APBB2: variants seen among roughly 807,000 people sequenced by gnomAD.
APBB2 encodes the protein Fe65-like 1.
In APBB2, 38 loss-of-function variants were observed where a neutral mutation model predicts 82.5. The observed-to-expected ratio is 0.46, with a 90% confidence interval of 0.36 to 0.60. The LOEUF (loss-of-function observed/expected upper bound fraction) is 0.60, where lower values mean the gene tolerates loss of function less well. Among genes scored for constraint, APBB2 ranks in the 20% least tolerant of loss-of-function variants. The pLI is 0.00. For missense variants in APBB2, 772 were observed against 972.3 expected (o/e 0.79, Z 2.74); for synonymous variants, 341 against 368.2 (o/e 0.93, Z 0.85).
intron 7 of APBB2, chr4:40,935,714 A>T (rs187170106): frequency 1.3e-5 from 2 of 152,224 alleles, no homozygotes; most frequent in South Asian, 2.1e-4. Flanking sequence ...AACAAAAAAC[A>T]ACTCTAAACA....
intron 6 of APBB2, 122 bp downstream of exon 6, chr4:41,013,461 C>T: frequency 1.1e-6 from 1 of 929,048 alleles, no homozygotes; most frequent in Non-Finnish European, 1.6e-6. Flanking sequence ...AATTTTACCG[C>T]AAGAGGCTCA....
intron 2 of APBB2, among the ~76,000 whole-genome samples, chr4:41,130,627 T>TAC (rs1197430402): frequency 9.2e-5 from 14 of 152,204 alleles, no homozygotes; most frequent in Admixed American, 8.5e-4. Flanking sequence ...CCTTTCTAAC[T>TAC]ACATCTCATA....
At chr4:40,894,046 T>C (rs1024354003) in intron 10 of APBB2, among the ~76,000 whole-genome samples, 1 of 151,512 alleles carries the variant, frequency 6.6e-6, no homozygotes, top group African/African-American at 2.4e-5. Context: ...CCCAGCACTT[T>C]GGGAGGCCGA....
intron 1 of APBB2, among the ~76,000 whole-genome samples, chr4:41,207,204 A>ACT (rs2154079922): frequency 6.7e-6 from 1 of 148,440 alleles, no homozygotes; most frequent in African/African-American, 2.5e-5. Flanking sequence ...GTCTCAAAAA[A>ACT]AAAAAAAAAA....
intron 4 of APBB2, among the ~76,000 whole-genome samples, chr4:41,051,640 G>A (rs375988355): frequency 1.1e-4 from 16 of 152,026 alleles, no homozygotes; most frequent in Non-Finnish European, 1.5e-5. Flanking sequence ...TTCCACGGTC[G>A]CCTCTAGGCC....
chr4:41,107,573 A>C (rs1174734805), intron 2 of APBB2, among the ~76,000 whole-genome samples: 1 of 152,218 alleles, frequency 6.6e-6, no homozygotes, highest in African/African-American at 2.4e-5. Flanking sequence ...CAGTCTCAGA[A>C]TATCACCCCA....
At chr4:41,166,620 G>C (rs1766713610) in intron 1 of APBB2, among the ~76,000 whole-genome samples, 1 of 151,636 alleles carries the variant, frequency 6.6e-6, no homozygotes. Context: ...GGGTGCGGTG[G>C]CTCAGTGGCT....
At chr4:41,025,470 C>T (rs1406833272) in intron 5 of APBB2, among the ~76,000 whole-genome samples, 7 of 151,928 alleles carry the variant, frequency 4.6e-5, no homozygotes, top group Admixed American at 4.6e-4. Context: ...AAGTTAAAAG[C>T]AGAACTACCA....
intron 2 of APBB2, among the ~76,000 whole-genome samples, chr4:41,131,480 T>A (rs111997459): frequency 1.3e-5 from 2 of 152,310 alleles, no homozygotes; most frequent in African/African-American, 4.8e-5. Flanking sequence ...CATACATAGA[T>A]ATGTATTTTA....
intron 6 of APBB2, among the ~76,000 whole-genome samples, chr4:40,965,749 G>C (rs1192340354): frequency 6.6e-6 from 1 of 152,100 alleles, no homozygotes; most frequent in Non-Finnish European, 1.5e-5. Flanking sequence ...GTATTTTAGA[G>C]GCTTCCAGTG....
At chr4:41,174,570 G>A (rs1769246478) in intron 1 of APBB2, among the ~76,000 whole-genome samples, 1 of 152,156 alleles carries the variant, frequency 6.6e-6, no homozygotes, top group Non-Finnish European at 1.5e-5. Flanking sequence ...AGTTGCCCAT[G>A]AGGTAAGTAC....
chr4:40,884,088 C>T (rs891672939), intron 12 of APBB2, among the ~76,000 whole-genome samples: 4 of 152,220 alleles, frequency 2.6e-5, no homozygotes, highest in African/African-American at 7.2e-5. Flanking sequence ...CCAGCCTCTC[C>T]TCCCCTGCCA....
At chr4:41,045,278 T>G (rs890283009) in intron 4 of APBB2, among the ~76,000 whole-genome samples, 1 of 150,708 alleles carries the variant, frequency 6.6e-6, no homozygotes, top group African/African-American at 2.5e-5. Context: ...AATATTATGA[T>G]TTTAATCATT....
intron 1 of APBB2, among the ~76,000 whole-genome samples, chr4:41,172,885 A>T (rs1768707972): frequency 6.6e-6 from 1 of 152,222 alleles, no homozygotes; most frequent in East Asian, 1.9e-4. Context: ...TCATTTTAGG[A>T]TATTGAAAAA....
chr4:41,161,559 T>C (rs1318233417), intron 1 of APBB2, among the ~76,000 whole-genome samples: 1 of 152,104 alleles, frequency 6.6e-6, no homozygotes, highest in Non-Finnish European at 1.5e-5. Context: ...TGAGCTAAAA[T>C]TGTGCCACCG....
In APBB2 at chr4:40,868,428, T is replaced by C. The variant is rs570798241; in HGVS notation, c.1529+21936A>G. On this transcript the variant is annotated intron_variant, in intron 12 of 17. Coordinates refer to ENST00000508593, the MANE Select transcript of APBB2 (RefSeq NM_004307.2). ...GGGAAACTGCATCATTGAAGCGAGC[T>C]GTATAATTTTTCTTTAGGAACACAA... Among the ~76,000 whole-genome samples the C allele has an allele frequency of 7.9e-5, 12 of 152,306 alleles. No homozygotes were observed. The East Asian group carries it at 2.3e-3, about 29-fold the overall frequency.
chr4:41,187,346 A>G (rs948850376), intron 1 of APBB2, among the ~76,000 whole-genome samples: 1 of 152,218 alleles, frequency 6.6e-6, no homozygotes, highest in Non-Finnish European at 1.5e-5. Flanking sequence ...AAAAAAGATA[A>G]GAGTCTTTTA....
chr4:40,827,297 T>C (rs1262733208), intron 13 of APBB2, 78 bp from the exon 14 acceptor site: 1 of 1,267,754 alleles, frequency 7.9e-7, no homozygotes, highest in East Asian at 2.3e-5. Flanking sequence ...GTAAAGTGTC[T>C]AGGTTGACTT....
At chr4:40,941,189 C>T (rs533215523) in intron 7 of APBB2, among the ~76,000 whole-genome samples, 9 of 151,724 alleles carry the variant, frequency 5.9e-5, no homozygotes, top group Non-Finnish European at 1.0e-4. Context: ...ATAAAATATG[C>T]ATTTCTAACA....
Sources: gnomAD v4.1 joint callset for allele counts (sites outside exome capture counted in the v4.1 genomes callset) on GRCh38, gnomAD v4.1.1 for gene constraint, MANE v1.5 for transcripts, NCBI Gene and HGNC (gene_info 2026-07-23, HGNC 2026-07-21) for gene names.